The following ERCC6L2 variants were observed in gnomAD, a reference collection of about 807,000 sequenced individuals.
ERCC6L2 encodes DNA excision repair protein ERCC-6-like 2.
Under a neutral mutation model 132.0 loss-of-function variants are expected in ERCC6L2, and 77 were observed. The ratio of observed to expected loss-of-function variants is 0.58; its 90% CI spans 0.49 to 0.71. ERCC6L2 has a LOEUF of 0.71. ERCC6L2 is among the 30% of genes least tolerant of loss of function. ERCC6L2 has a pLI of 0.00. For synonymous variants in ERCC6L2, 583 were observed against 632.4 expected (o/e 0.92, Z 1.17); for missense variants, 1,542 against 1,837.6 (o/e 0.84, Z 2.94).
At chr9:95,963,431 A>T (rs545377049) in intron 13 of ERCC6L2, among the ~76,000 whole-genome samples, 27 of 152,188 alleles carry the variant, frequency 1.8e-4, no homozygotes, top group African/African-American at 6.0e-4. Context: ...GTATTTCCCC[A>T]AAAGAAGTAC....
At chr9:96,021,083 G>T, downstream of ERCC6L2, 1 of 439,416 alleles carries the variant, frequency 2.3e-6, no homozygotes, top group Non-Finnish European at 4.6e-6. This position sits in a 1 kb window ranked among gnomAD's most constrained non-coding sequence, Gnocchi z 4.7. Context: ...GGCACAGGGA[G>T]GCCGTTCGGC....
At chr9:95,888,232 C>T (rs1321376247) in intron 2 of ERCC6L2, among the ~76,000 whole-genome samples, 1 of 152,216 alleles carries the variant, frequency 6.6e-6, no homozygotes, top group African/African-American at 2.4e-5. Flanking sequence ...CCTTCCTCTT[C>T]TGGTCTAAGG....
chr9:95,957,728 A>G (rs943430347), intron 13 of ERCC6L2, among the ~76,000 whole-genome samples: 2 of 152,228 alleles, frequency 1.3e-5, no homozygotes, highest in South Asian at 2.1e-4. Flanking sequence ...ATATGACACA[A>G]ATAAAGATAA....
chr9:96,038,674 G>C (rs1485205024), intron 19 of ERCC6L2, among the ~76,000 whole-genome samples: 1 of 152,240 alleles, frequency 6.6e-6, no homozygotes, highest in African/African-American at 2.4e-5. Flanking sequence ...CAAGGGGCAG[G>C]AAAGAAGGGT....
chr9:95,976,485 G>A (rs186831036), intron 16 of ERCC6L2, among the ~76,000 whole-genome samples: 259 of 152,240 alleles, frequency 1.7e-3, no homozygotes, highest in African/African-American at 5.9e-3. Context: ...GTGCTTTCCG[G>A]TGAATACCTG....
At chr9:95,961,916 A>G (rs972815209) in intron 13 of ERCC6L2, among the ~76,000 whole-genome samples, 21 of 152,238 alleles carry the variant, frequency 1.4e-4, no homozygotes, top group African/African-American at 5.1e-4. Context: ...TAAAACCATC[A>G]GATCTCGTGA....
Position 96,013,343 on chromosome 9 carries a change from T to C in ERCC6L2, c.*140T>C, listed in dbSNP as rs367834313. On this transcript the variant is annotated 3_prime_UTR_variant, in exon 19 of 19. Coordinates refer to ENST00000653738, the MANE Select transcript of ERCC6L2 (RefSeq NM_020207.7). ...TATTGCTTTAGGATTTTTTGAAGTC[T>C]AAAGTATTGTCATGGATCTGTTTTT... 1.9e-5 allele frequency: 12 copies of C among 633,654 alleles called. No individual in the cohort carries two copies. The Middle Eastern group carries it at 3.4e-3, about 179-fold the overall frequency. 39.3% of individuals were successfully genotyped at this position (633,654 alleles called of 1,614,324 possible). A position where few individuals can be genotyped will look rare whatever the true frequency, so the allele number is the denominator to read the frequency against.
chr9:95,898,789 T>C (rs939230083), intron 3 of ERCC6L2, among the ~76,000 whole-genome samples: 4 of 152,192 alleles, frequency 2.6e-5, no homozygotes, highest in Non-Finnish European at 5.9e-5. Context: ...ACAAGATTGC[T>C]GAGAAGTCCA....
At chr9:95,895,717 T>G (rs1425224343) in intron 2 of ERCC6L2, among the ~76,000 whole-genome samples, 2 of 151,560 alleles carry the variant, frequency 1.3e-5, no homozygotes, top group Non-Finnish European at 2.9e-5. Context: ...CATATACATT[T>G]GTTGTCATAG....
chr9:95,959,527 G>A (rs202229261), intron 13 of ERCC6L2, among the ~76,000 whole-genome samples: 82 of 151,932 alleles, frequency 5.4e-4, no homozygotes, highest in African/African-American at 1.4e-3. Context: ...AAAATTGACA[G>A]ATGGGATCTA....
intron 17 of ERCC6L2, among the ~76,000 whole-genome samples, chr9:95,979,524 G>A (rs921558429): frequency 2.0e-5 from 3 of 152,224 alleles, no homozygotes; most frequent in East Asian, 1.9e-4. Flanking sequence ...TTTGGGGACC[G>A]CAGAACGATA....
chr9:96,035,803 G>T (rs1834512098), intron 19 of ERCC6L2, among the ~76,000 whole-genome samples: 1 of 152,192 alleles, frequency 6.6e-6, no homozygotes, highest in Non-Finnish European at 1.5e-5. Flanking sequence ...GCTCTAGAAA[G>T]GTCACTGTGG....
At chr9:95,978,621 T>C (rs1232049136) in intron 17 of ERCC6L2, among the ~76,000 whole-genome samples, 13 of 152,246 alleles carry the variant, frequency 8.5e-5, no homozygotes, top group Non-Finnish European at 1.5e-4. Context: ...TCATTTCATA[T>C]AGAATTTATA....
chr9:95,990,670 C>T (rs1156579355), intron 17 of ERCC6L2, among the ~76,000 whole-genome samples: 16 of 152,206 alleles, frequency 1.1e-4, no homozygotes, highest in Admixed American at 1.0e-3. Context: ...ACAAACGCTG[C>T]AACCAGCCAG....
chr9:95,922,459 G>A, intron 8 of ERCC6L2, 41 bp downstream of exon 8: 1 of 1,160,588 alleles, frequency 8.6e-7, no homozygotes, highest in Non-Finnish European at 1.3e-6. Flanking sequence ...TGCTATTGTT[G>A]TGAATATTTT....
At position 95,922,327 on chromosome 9, in the gene ERCC6L2, T is replaced by C; in HGVS notation, c.1322T>C (p.Val441Ala). 2 of 1,611,806 alleles carry C rather than the reference T, an allele frequency of 1.2e-6. No homozygotes were observed. The highest frequency in any genetic ancestry group is 8.5e-7 in the Non-Finnish European group (1 of 1,178,252). The change falls in exon 8 of 19, where the codon GTG becomes GCG. Residue 441 changes from valine (V) to alanine (A), a missense_variant. This residue lies in a region of ERCC6L2 where 945 missense variants were observed against 1,105.2 expected (regional missense o/e 0.86). Coordinates refer to ENST00000653738, the MANE Select transcript of ERCC6L2 (RefSeq NM_020207.7). ...CYKTNSHGET[V>A]KTLYLSYLTV... ...CAGACCAATTCTCATGGTGAAACAG[T>C]GAAAACCTTGTATCTCAGTTACCTT...
chr9:95,950,239 G>A (rs1425856616), intron 12 of ERCC6L2, among the ~76,000 whole-genome samples: 1 of 152,002 alleles, frequency 6.6e-6, no homozygotes. Flanking sequence ...ATGTTGACAA[G>A]TACATTGATA....
Position 96,015,973 on chromosome 9 carries a change from A to G in ERCC6L2, c.*2770A>G, listed in dbSNP as rs80324263. ...TGAAAAGGAGCCTGTTTCAGAACGG[A>G]AACTGTCAGGTGGAGTGGACTCCCT... On this transcript the variant is annotated 3_prime_UTR_variant, in exon 19 of 19. Transcript: ENST00000653738. Among the ~76,000 whole-genome samples, 4,582 of 152,276 alleles carry G rather than the reference A, an allele frequency of 0.03. 94 individuals are homozygous for G. The highest frequency in any genetic ancestry group is 0.13 in the East Asian group (672 of 5,174).
intron 16 of ERCC6L2, among the ~76,000 whole-genome samples, chr9:95,974,886 A>G (rs1362211214): frequency 6.6e-6 from 1 of 152,180 alleles, no homozygotes; most frequent in Non-Finnish European, 1.5e-5. Context: ...ATTTGAGAGT[A>G]TAGAGCTCTT....
Sources: allele counts gnomAD v4.1 joint callset (sites outside exome capture counted in the v4.1 genomes callset), GRCh38; gene constraint gnomAD v4.1.1; regional missense constraint gnomAD v4.1.1; non-coding constraint Gnocchi (gnomAD v3.1); transcripts MANE v1.5; gene names NCBI Gene and HGNC (gene_info 2026-07-23, HGNC 2026-07-21).